SOX6: variants seen among roughly 807,000 people sequenced by gnomAD.
SOX6 encodes the protein SRY-box transcription factor 6.
Under a neutral mutation model 97.8 loss-of-function variants are expected in SOX6, and 11 were observed. That is an observed-to-expected ratio of 0.11 (90% confidence interval 0.07 to 0.19). The LOEUF (loss-of-function observed/expected upper bound fraction) is 0.19, where lower values mean the gene tolerates loss of function less well. SOX6 is among the 10% of genes least tolerant of loss of function. The pLI is 1.00. For missense variants in SOX6, 810 were observed against 1,039.5 expected (o/e 0.78, Z 3.04); for synonymous variants, 360 against 371.4 (o/e 0.97, Z 0.35).
intron 4 of SOX6, among the ~76,000 whole-genome samples, chr11:16,491,500 ATGTG>A (rs34737280): frequency 3.3e-5 from 5 of 150,498 alleles, no homozygotes; most frequent in Non-Finnish European, 7.4e-5. Context: ...CCAACAGTCT[ATGTG>A]TGTGTGTGTG....
At chr11:16,406,738 A>G (rs2133050410) in intron 1 of SOX6, among the ~76,000 whole-genome samples, 1 of 152,204 alleles carries the variant, frequency 6.6e-6, no homozygotes, top group Middle Eastern at 3.4e-3. Context: ...AAGGATAAAG[A>G]AGAACTGGGT....
chr11:16,604,667 T>C, intron 4 of SOX6, among the ~76,000 whole-genome samples: 1 of 152,068 alleles, frequency 6.6e-6, no homozygotes, highest in Non-Finnish European at 1.5e-5. Context: ...CCTCACAGGG[T>C]CTCACACACA....
chr11:16,725,223 C>T (rs1306187274), intron 2 of SOX6, among the ~76,000 whole-genome samples: 7 of 152,128 alleles, frequency 4.6e-5, no homozygotes, highest in Non-Finnish European at 1.0e-4. Flanking sequence ...TATAAGTGAA[C>T]CTTAAAAACA....
At chr11:16,207,924 C>G (rs965491424) in intron 4 of SOX6, among the ~76,000 whole-genome samples, 1 of 151,986 alleles carries the variant, frequency 6.6e-6, no homozygotes, top group African/African-American at 2.4e-5. Context: ...TTATATACTT[C>G]TATATTGATA....
chr11:16,183,844 G>C, intron 6 of SOX6, 42 bp downstream of exon 6: 1 of 1,573,016 alleles, frequency 6.4e-7, no homozygotes, highest in Non-Finnish European at 8.7e-7. Flanking sequence ...AAGGAGGAAA[G>C]TATCTAAGTA....
intron 3 of SOX6, among the ~76,000 whole-genome samples, chr11:16,648,146 T>C (rs1366685150): frequency 6.6e-6 from 1 of 152,040 alleles, no homozygotes; most frequent in Non-Finnish European, 1.5e-5. Flanking sequence ...GCAGGGTAGC[T>C]CATGGCCTGG....
At chr11:16,540,438 C>A (rs1357704431) in intron 4 of SOX6, among the ~76,000 whole-genome samples, 2 of 152,032 alleles carry the variant, frequency 1.3e-5, no homozygotes, top group African/African-American at 2.4e-5. Flanking sequence ...TCTCACCACT[C>A]CTATTCAACA....
chr11:16,202,120 G>A (rs934178959), intron 4 of SOX6, among the ~76,000 whole-genome samples: 1 of 152,000 alleles, frequency 6.6e-6, no homozygotes, highest in Non-Finnish European at 1.5e-5. Context: ...TGTAAAAAAT[G>A]AGAGTATTAA....
At chr11:16,359,797 C>T (rs1451524175), upstream of SOX6, among the ~76,000 whole-genome samples, 1 of 152,142 alleles carries the variant, frequency 6.6e-6, no homozygotes, top group Non-Finnish European at 1.5e-5. Context: ...AAAATAACAA[C>T]CTAATGGCTA....
chr11:16,385,005 G>C (rs1857937088), intron 1 of SOX6, among the ~76,000 whole-genome samples: 1 of 151,966 alleles, frequency 6.6e-6, no homozygotes, highest in Non-Finnish European at 1.5e-5. Context: ...ATTAATCAGA[G>C]CTCCAATTTT....
chr11:16,639,449 A>T (rs1848855375), intron 3 of SOX6, among the ~76,000 whole-genome samples: 1 of 152,154 alleles, frequency 6.6e-6, no homozygotes, highest in African/African-American at 2.4e-5. Context: ...CAATTCTGTG[A>T]AGAAAGTCGT....
intron 3 of SOX6, among the ~76,000 whole-genome samples, chr11:16,650,695 T>G (rs1847635192): frequency 2.6e-5 from 4 of 151,664 alleles, no homozygotes; most frequent in African/African-American, 9.7e-5. Context: ...AAGTAGATAA[T>G]CTAAGGCCAC....
At chr11:16,326,729 C>T (rs887912600) in intron 2 of SOX6, among the ~76,000 whole-genome samples, 3 of 152,164 alleles carry the variant, frequency 2.0e-5, no homozygotes, top group African/African-American at 7.2e-5. Context: ...AAACAAAGTG[C>T]TTAAAACAAA....
intron 9 of SOX6, among the ~76,000 whole-genome samples, chr11:16,083,171 G>T (rs1564945075): frequency 6.6e-6 from 1 of 152,102 alleles, no homozygotes; most frequent in Non-Finnish European, 1.5e-5. Flanking sequence ...TTCACTCGGG[G>T]AACACATCTA....
intron 2 of SOX6, among the ~76,000 whole-genome samples, chr11:16,732,517 G>A (rs993707489): frequency 6.6e-6 from 1 of 152,174 alleles, no homozygotes; most frequent in African/African-American, 2.4e-5. Context: ...ATGGCTTTGG[G>A]AAAACTGGCT....
intron 9 of SOX6, among the ~76,000 whole-genome samples, chr11:16,085,714 C>A (rs574350645): frequency 6.6e-6 from 1 of 152,220 alleles, no homozygotes; most frequent in Admixed American, 6.5e-5. Flanking sequence ...CATAAATGAC[C>A]ATAATCTGTT....
chr11:16,219,941 T>G (rs868436824), intron 4 of SOX6, among the ~76,000 whole-genome samples: 3 of 152,058 alleles, frequency 2.0e-5, no homozygotes, highest in Non-Finnish European at 2.9e-5. Flanking sequence ...GCATTTTTCT[T>G]TCAAAAACCA....
intron 6 of SOX6, among the ~76,000 whole-genome samples, chr11:16,154,002 A>G (rs1850529409): frequency 6.6e-6 from 1 of 152,152 alleles, no homozygotes; most frequent in Non-Finnish European, 1.5e-5. Flanking sequence ...GCCTGATAAT[A>G]AAAAGGAATA....
At chr11:16,261,123 T>C (rs1039921329) in intron 3 of SOX6, among the ~76,000 whole-genome samples, 1 of 152,172 alleles carries the variant, frequency 6.6e-6, no homozygotes, top group African/African-American at 2.4e-5. Flanking sequence ...ACTTTTGTCA[T>C]ACTTTGTTAT....
Sources: allele counts gnomAD v4.1 joint callset (sites outside exome capture counted in the v4.1 genomes callset), GRCh38; gene constraint gnomAD v4.1.1; transcripts MANE v1.5; gene names NCBI Gene and HGNC (gene_info 2026-07-23, HGNC 2026-07-21).